Variants in TOP3B observed in about 807,000 individuals in gnomAD.
The protein encoded by TOP3B is DNA topoisomerase 3-beta-1.
In TOP3B, 45 loss-of-function variants were observed where a neutral mutation model predicts 93.9. That is an observed-to-expected ratio of 0.48 (90% CI 0.38 to 0.61). The LOEUF (loss-of-function observed/expected upper bound fraction) is 0.61, where lower values mean the gene tolerates loss of function less well. Among genes scored for constraint, TOP3B ranks in the 20% least tolerant of loss-of-function variants. TOP3B has a pLI of 0.00. For missense variants in TOP3B, 750 were observed against 1,156.1 expected, an observed-to-expected ratio of 0.65 and a Z score of 5.09; for synonymous variants, 357 against 472.6, an observed-to-expected ratio of 0.76 and a Z score of 3.17.
At chr22:21,965,696 G>A (rs190290067) in intron 8 of TOP3B, 135 of 170,544 alleles carry the variant, frequency 7.9e-4, no homozygotes, top group Non-Finnish European at 1.4e-3. Context: ...GTGAAACCCC[G>A]TCTCTACTAA....
Position 21,971,773 on chromosome 22 carries a change from C to T in TOP3B, c.384+104G>A. On this transcript the variant is annotated intron_variant, in intron 5 of 17. Coordinates refer to ENST00000357179, the MANE Select transcript of TOP3B (RefSeq NM_001282112.2). The surrounding 1 kb of genome is among the most constrained non-coding windows in gnomAD (Gnocchi z 4.6). ...GGTGTTTTTAAACCGGTACAGTTTA[C>T]TCCCTCCTTTGGCCCCAGGAGTGAT... The T allele has an allele frequency of 1.0e-6, 1 of 982,742 alleles. No homozygotes were observed. The highest frequency in any genetic ancestry group is 1.8e-5 in the Admixed American group (1 of 54,416). 60.9% of individuals were successfully genotyped at this position (982,742 alleles called of 1,614,324 possible).
At chr22:21,958,185 G>A (rs1344059926) in intron 17 of TOP3B, 2 of 1,285,102 alleles carry the variant, frequency 1.6e-6, no homozygotes, top group Non-Finnish European at 2.0e-6. Flanking sequence ...CCGCTCACCG[G>A]GTGGGTCCCC....
At chr22:21,968,146 T>C (rs1036794003) in intron 7 of TOP3B, 18 of 241,556 alleles carry the variant, frequency 7.5e-5, no homozygotes, top group African/African-American at 3.1e-4. Flanking sequence ...CACTGTAGCC[T>C]TGGACTCCTG....
Position 21,971,116 on chromosome 22 carries a change from G to A in TOP3B, c.385-710C>T. 1 of 1,240,326 alleles carries A rather than the reference G, an allele frequency of 8.1e-7. No individual in the cohort carries two copies. The highest frequency in any genetic ancestry group is 1.1e-6 in the Non-Finnish European group (1 of 935,928). 76.8% of individuals were successfully genotyped at this position (1,240,326 alleles called of 1,614,324 possible). On this transcript the variant is annotated intron_variant, in intron 5 of 17. Transcript: ENST00000357179. The surrounding 1 kb of genome is among the most constrained non-coding windows in gnomAD (Gnocchi z 4.6). ...CCATTCTCCATTCCCAGATGCAAAGGCCCCCAGGGAGGAGCCGCCCTGCAG... is the reference window on the plus strand; with the variant it reads ...CCATTCTCCATTCCCAGATGCAAAGACCCCCAGGGAGGAGCCGCCCTGCAG...
intron 8 of TOP3B, chr22:21,966,932 C>T (rs76164403): frequency 0.079 from 12,091 of 152,548 alleles, 575 homozygotes; most frequent in Middle Eastern, 0.15. Context: ...GATAGCATGG[C>T]GGGCAACAGG....
At chr22:21,975,136 G>C (rs2071810039) in intron 2 of TOP3B, 1 of 153,332 alleles carries the variant, frequency 6.5e-6, no homozygotes, top group African/African-American at 2.4e-5. Context: ...AACCACCCCA[G>C]TGGCCAGAGT....
Position 21,963,053 on chromosome 22 carries a change from G to A in TOP3B, c.1205-160C>T, listed in dbSNP as rs779894053. ...AGGAGGAAAGAAAATGTGCAGGAAG[G>A]CCGGGCGTGGTGGCTCATGCCTGTA... On this transcript the variant is annotated intron_variant, in intron 11 of 17. Transcript: ENST00000357179. This position sits in a 1 kb window ranked among gnomAD's most constrained non-coding sequence, Gnocchi z 4.8. 4 of 851,018 alleles carry A rather than the reference G, an allele frequency of 4.7e-6. No homozygotes were observed. The South Asian group carries it at 6.9e-5, about 15-fold the overall frequency. The allele number at this position is 851,018 out of a possible 1,614,324, so 52.7% of individuals were successfully genotyped here. A position where few individuals can be genotyped will look rare whatever the true frequency, so the allele number is the denominator to read the frequency against.
At chr22:21,960,156 TG>T in intron 14 of TOP3B, 164 bp downstream of exon 14, 3 of 1,061,648 alleles carry the variant, frequency 2.8e-6, no homozygotes, top group South Asian at 1.4e-5. Flanking sequence ...GGGCAGGTCC[TG>T]GGGGTCCTGG....
intron 6 of TOP3B, chr22:21,969,749 C>T (rs957848748): frequency 6.4e-6 from 1 of 155,214 alleles, no homozygotes; most frequent in Non-Finnish European, 1.4e-5. Context: ...ACAGTAAAAC[C>T]CTGTCTCTAC....
At chr22:21,962,075 C>T (rs1253317475) in intron 13 of TOP3B, 10 of 1,210,856 alleles carry the variant, frequency 8.3e-6, no homozygotes, top group Non-Finnish European at 1.1e-5. Context: ...TCAGGACAGC[C>T]CAGGCTGGCT....
At position 21,970,174 on chromosome 22, in the gene TOP3B, A is replaced by AGGGTGC. The variant is rs1449258368; in HGVS notation, c.581+35_581+36insGCACCC. 1 of 1,594,746 alleles carries AGGGTGC rather than the reference A, an allele frequency of 6.3e-7. No individual in the cohort carries two copies. The highest frequency in any genetic ancestry group is 1.7e-5 in the Admixed American group (1 of 59,844). ...GCAGGTCTCTGGCTGAGGGAGAGTGAGGGTGTGCCCAGGACTCTGCGGGTG... is the reference window on the plus strand; with the variant it reads ...GCAGGTCTCTGGCTGAGGGAGAGTGAGGGTGCGGGTGTGCCCAGGACTCTGCGGGTG... On this transcript the variant is annotated intron_variant, in intron 6 of 17. Coordinates refer to ENST00000357179, the MANE Select transcript of TOP3B (RefSeq NM_001282112.2). This position sits in a 1 kb window ranked among gnomAD's most constrained non-coding sequence, Gnocchi z 4.4.
Position 21,971,117 on chromosome 22 carries a change from C to A in TOP3B, c.385-711G>T. The A allele has an allele frequency of 8.1e-7, 1 of 1,231,376 alleles. No homozygotes were observed. The highest frequency in any genetic ancestry group is 1.1e-6 in the Non-Finnish European group (1 of 928,720). The allele number at this position is 1,231,376 out of a possible 1,614,324, so 76.3% of individuals were successfully genotyped here. On this transcript the variant is annotated intron_variant, in intron 5 of 17. Transcript: ENST00000357179. The surrounding 1 kb of genome is among the most constrained non-coding windows in gnomAD (Gnocchi z 4.6). The stretch of plus-strand genomic sequence containing the variant: ...CATTCTCCATTCCCAGATGCAAAGG[C>A]CCCCAGGGAGGAGCCGCCCTGCAGG...
intron 2 of TOP3B, 95 bp downstream of exon 2, chr22:21,975,544 TC>T: frequency 7.2e-7 from 1 of 1,379,866 alleles, no homozygotes. Context: ...CCGAACCAAA[TC>T]TACCCCAGCC....
At chr22:21,964,474 G>A (rs2071335727) in intron 9 of TOP3B, 159 bp from the exon 10 acceptor site, 1 of 786,718 alleles carries the variant, frequency 1.3e-6, no homozygotes, top group Non-Finnish European at 2.0e-6. Flanking sequence ...TGCTGGCCGG[G>A]TGGGCACCTA....
intron 1 of TOP3B, chr22:21,977,210 A>G (rs530658319): frequency 6.6e-6 from 1 of 152,346 alleles, no homozygotes; most frequent in South Asian, 2.1e-4. Context: ...AGTAAAAGCA[A>G]AATAAAATAA....
In TOP3B at chr22:21,963,734, G is replaced by A; in HGVS notation, c.1204+189C>T. On this transcript the variant is annotated intron_variant, in intron 11 of 17. Transcript: ENST00000357179. This position sits in a 1 kb window ranked among gnomAD's most constrained non-coding sequence, Gnocchi z 4.8. ...TTGCCTCCCTGCAACAGCACCTGCTGCTACCTCTTCACTCCTGTCCTGGTC... is the reference window on the plus strand; with the variant it reads ...TTGCCTCCCTGCAACAGCACCTGCTACTACCTCTTCACTCCTGTCCTGGTC... The A allele has an allele frequency of 1.6e-6, 1 of 609,082 alleles. No homozygotes were observed. The highest frequency in any genetic ancestry group is 2.9e-6 in the Non-Finnish European group (1 of 349,206). The allele number at this position is 609,082 out of a possible 1,614,324, so 37.7% of individuals were successfully genotyped here. A position where few individuals can be genotyped will look rare whatever the true frequency, so the allele number is the denominator to read the frequency against.
At chr22:21,967,932 G>C in intron 7 of TOP3B, 1 of 542,876 alleles carries the variant, frequency 1.8e-6, no homozygotes, top group Non-Finnish European at 3.3e-6. Context: ...GCCAGTCTCA[G>C]GAAGGTGGCC....
chr22:21,957,176 CA>C lies in TOP3B; in HGVS notation c.2526del (p.Lys844SerfsTer42). Reference protein sequence around the residue: ...GRGRGRARRPPGKPNPRRPKD... With the variant: ...GRGRGRARRPXGKPNPRRPKD... ...TTGGGCCGTCTGGGGTTGGGCTTCC[CA>C]GGGGGCCTCCTGGCCCGGCCCCGCC... is the stretch of plus-strand genomic sequence containing the variant. On this transcript the variant is annotated frameshift_variant, in exon 18 of 18. Coordinates refer to ENST00000357179, the MANE Select transcript of TOP3B (RefSeq NM_001282112.2). LOFTEE classifies it high-confidence loss of function. The C allele has an allele frequency of 1.5e-6, 2 of 1,325,982 alleles. No homozygotes were observed. The highest frequency in any genetic ancestry group is 2.1e-6 in the Non-Finnish European group (2 of 972,632). The allele number at this position is 1,325,982 out of a possible 1,614,324, so 82.1% of individuals were successfully genotyped here.
intron 4 of TOP3B, chr22:21,972,245 C>T (rs1161033541): frequency 2.1e-6 from 1 of 466,398 alleles, no homozygotes. Context: ...TAAATGATAA[C>T]AGCAGTCGTC....
Sources: allele counts gnomAD v4.1 joint callset, GRCh38; gene constraint gnomAD v4.1.1; non-coding constraint Gnocchi (gnomAD v3.1); transcripts MANE v1.5; gene names NCBI Gene and HGNC (gene_info 2026-07-23, HGNC 2026-07-21).